Variants in SMYD3 observed in about 807,000 individuals in gnomAD.
SMYD3 encodes the protein SET and MYND domain containing 3.
A neutral mutation model predicts 57.7 loss-of-function variants in SMYD3; 36 were observed. The ratio of observed to expected loss-of-function variants is 0.62; its 90% CI spans 0.48 to 0.82. The LOEUF (loss-of-function observed/expected upper bound fraction) is 0.82. SMYD3 is among the 40% of genes least tolerant of loss of function. The pLI is 0.00. For missense variants in SMYD3, 515 were observed against 538.8 expected (o/e 0.96, Z 0.44); for synonymous variants, 211 against 195.0 (o/e 1.08, Z -0.68).
chr1:246,466,783 G>T (rs1291013889), intron 1 of SMYD3, among the ~76,000 whole-genome samples: 1 of 152,140 alleles, frequency 6.6e-6, no homozygotes, highest in African/African-American at 2.4e-5. Flanking sequence ...GGGAAATCAA[G>T]GCTCCAGTGA....
At chr1:246,273,197 T>C (rs2064261580) in intron 5 of SMYD3, among the ~76,000 whole-genome samples, 3 of 145,840 alleles carry the variant, frequency 2.1e-5, no homozygotes, top group Non-Finnish European at 4.5e-5. Flanking sequence ...TTTCCCAGGC[T>C]GGAGTGCAGA....
intron 5 of SMYD3, among the ~76,000 whole-genome samples, chr1:246,226,150 T>C (rs1341199885): frequency 1.3e-5 from 2 of 152,176 alleles, no homozygotes; most frequent in Non-Finnish European, 2.9e-5. Flanking sequence ...GTGTAGCATT[T>C]TTACCTCCAT....
At chr1:246,155,778 G>A (rs1394701393) in intron 5 of SMYD3, among the ~76,000 whole-genome samples, 1 of 151,978 alleles carries the variant, frequency 6.6e-6, no homozygotes, top group Non-Finnish European at 1.5e-5. Context: ...TCAGGAGTTC[G>A]AGACCAGCCT....
At chr1:246,393,737 T>TATA (rs1192428720) in intron 1 of SMYD3, among the ~76,000 whole-genome samples, 1 of 149,546 alleles carries the variant, frequency 6.7e-6, no homozygotes, top group Non-Finnish European at 1.5e-5. Flanking sequence ...GCACCTGTTA[T>TATA]CCCAGCTACT....
At chr1:245,786,529 T>C (rs145148590) in intron 10 of SMYD3, among the ~76,000 whole-genome samples, 7 of 151,084 alleles carry the variant, frequency 4.6e-5, no homozygotes, top group African/African-American at 1.7e-4. Context: ...AGCCATCTCA[T>C]TGCCTCACTG....
intron 5 of SMYD3, among the ~76,000 whole-genome samples, chr1:246,173,057 G>A (rs2062369949): frequency 6.7e-6 from 1 of 149,430 alleles, no homozygotes; most frequent in Non-Finnish European, 1.5e-5. Context: ...CGCACACTTA[G>A]GCTACACAGG....
rs777489685 is a variant in SMYD3, at chr1:245,940,039, G to C, written c.532-10102C>G. 1.2e-4 allele frequency among the ~76,000 whole-genome samples: 18 copies of C among 152,182 alleles called. 2 individuals are homozygous for C. Among genetic ancestry groups the C allele is most frequent in the Admixed American group, 1.2e-3 (18 of 15,278 alleles). Reference sequence around the variant, plus strand: ...GGCTATGGCAAATCATGGCCAGACTGTTTCTTTAGGTGGGTCACAGATCCA... The same window carrying C: ...GGCTATGGCAAATCATGGCCAGACTCTTTCTTTAGGTGGGTCACAGATCCA... On this transcript the variant is annotated intron_variant, in intron 5 of 11. Coordinates refer to ENST00000490107, the MANE Select transcript of SMYD3 (RefSeq NM_001167740.2).
intron 5 of SMYD3, among the ~76,000 whole-genome samples, chr1:246,201,062 A>G (rs1311698525): frequency 1.3e-5 from 2 of 152,200 alleles, no homozygotes; most frequent in Non-Finnish European, 2.9e-5. Flanking sequence ...TCATTCAATC[A>G]AAATATGTTA....
intron 5 of SMYD3, among the ~76,000 whole-genome samples, chr1:246,144,898 C>T (rs552012950): frequency 1.4e-4 from 21 of 152,316 alleles, no homozygotes; most frequent in Non-Finnish European, 1.9e-4. Context: ...AAGCACGAAT[C>T]GGGTTTCCCG....
chr1:246,475,080 G>A (rs1043484237), intron 1 of SMYD3, among the ~76,000 whole-genome samples: 12 of 152,282 alleles, frequency 7.9e-5, no homozygotes, highest in African/African-American at 2.9e-4. Context: ...ACTTTGAGAT[G>A]CTGAGGTAGG....
intron 3 of SMYD3, among the ~76,000 whole-genome samples, chr1:246,334,679 T>C (rs939466700): frequency 2.6e-5 from 4 of 152,160 alleles, no homozygotes; most frequent in African/African-American, 9.7e-5. Flanking sequence ...AATATACCCA[T>C]GTAACAAATC....
chr1:245,937,953 C>G (rs2057048508), intron 5 of SMYD3, among the ~76,000 whole-genome samples: 1 of 152,176 alleles, frequency 6.6e-6, no homozygotes, highest in Admixed American at 6.5e-5. Flanking sequence ...CAGCGTGTGG[C>G]TCAAGTTATC....
chr1:246,379,669 T>C (rs1300581186), intron 1 of SMYD3, among the ~76,000 whole-genome samples: 1 of 152,150 alleles, frequency 6.6e-6, no homozygotes, highest in Non-Finnish European at 1.5e-5. Flanking sequence ...ATGAACCTAA[T>C]GTTTCTGGAA....
chr1:246,497,003 C>T (rs2068374257), intron 1 of SMYD3, among the ~76,000 whole-genome samples: 1 of 152,198 alleles, frequency 6.6e-6, no homozygotes, highest in Admixed American at 6.5e-5. Flanking sequence ...TCCATTTTCA[C>T]TTTTCAAATA....
chr1:245,804,786 G>A (rs1006024659), intron 10 of SMYD3, among the ~76,000 whole-genome samples: 5 of 152,150 alleles, frequency 3.3e-5, no homozygotes, highest in African/African-American at 1.2e-4. Context: ...GAACCATCTT[G>A]AAGTTGGAGC....
chr1:246,264,515 T>C (rs1024009692), intron 5 of SMYD3, among the ~76,000 whole-genome samples: 2 of 152,228 alleles, frequency 1.3e-5, no homozygotes, highest in Non-Finnish European at 2.9e-5. Flanking sequence ...AACTTTTCTA[T>C]ATTTTTTCAA....
chr1:246,235,708 C>T (rs951383173), intron 5 of SMYD3, among the ~76,000 whole-genome samples: 1 of 152,116 alleles, frequency 6.6e-6, no homozygotes, highest in African/African-American at 2.4e-5. Flanking sequence ...GAGCAAATTC[C>T]TAGCCTCTCC....
At chr1:245,843,229 T>C (rs1354656744) in intron 10 of SMYD3, among the ~76,000 whole-genome samples, 1 of 152,068 alleles carries the variant, frequency 6.6e-6, no homozygotes, top group Admixed American at 6.6e-5. Flanking sequence ...GATCACACAC[T>C]TACGAGCCCA....
At chr1:246,047,844 G>GA (rs33946218) in intron 5 of SMYD3, among the ~76,000 whole-genome samples, 52 of 146,358 alleles carry the variant, frequency 3.6e-4, no homozygotes, top group Non-Finnish European at 2.4e-4. Flanking sequence ...GTAGCAGAAG[G>GA]AAAAAAAAAA....
Sources: gnomAD v4.1 joint callset for allele counts (sites outside exome capture counted in the v4.1 genomes callset) on GRCh38, gnomAD v4.1.1 for gene constraint, MANE v1.5 for transcripts, NCBI Gene and HGNC (gene_info 2026-07-23, HGNC 2026-07-21) for gene names.